TRIM2: variants seen among roughly 807,000 people sequenced by gnomAD.
TRIM2 encodes the protein tripartite motif containing 2.
TRIM2 carries 20 observed loss-of-function variants against 75.2 expected under a neutral mutation model. That is an observed-to-expected ratio of 0.27 (90% CI 0.19 to 0.39). The LOEUF (loss-of-function observed/expected upper bound fraction) is 0.39. Among genes scored for constraint, TRIM2 ranks in the 10% least tolerant of loss-of-function variants. TRIM2 has a pLI of 1.00. For missense variants in TRIM2, 660 were observed against 990.8 expected, an observed-to-expected ratio of 0.67 and a Z score of 4.48; for synonymous variants, 373 against 388.3, an observed-to-expected ratio of 0.96 and a Z score of 0.46.
At chr4:153,227,406 C>G (rs1742430584) in intron 1 of TRIM2, among the ~76,000 whole-genome samples, 1 of 152,150 alleles carries the variant, frequency 6.6e-6, no homozygotes, top group African/African-American at 2.4e-5. Context: ...TGAGCTTTGC[C>G]TTAATTAAGA....
chr4:153,213,456 T>G (rs1479876986), intron 1 of TRIM2, among the ~76,000 whole-genome samples: 2 of 152,242 alleles, frequency 1.3e-5, no homozygotes, highest in African/African-American at 4.8e-5. Flanking sequence ...AACAAAGTGA[T>G]GGGCTCTGTT....
chr4:153,183,491 G>A (rs746251299), intron 1 of TRIM2, among the ~76,000 whole-genome samples: 7 of 152,170 alleles, frequency 4.6e-5, no homozygotes, highest in African/African-American at 1.2e-4. Context: ...GAACCTGAGC[G>A]ACACCCAAGG....
rs578179249 is a variant in TRIM2, at chr4:153,153,606, G to A, written c.-49+336G>A. On this transcript the variant is annotated intron_variant, in intron 1 of 11. Transcript: ENST00000437508. Reference sequence around the variant, plus strand: ...GCCCCGTCCCGCCCCCGATCTTTCCGGCCCTTTTTGAAGATGGAGAGAAGG... The same window carrying A: ...GCCCCGTCCCGCCCCCGATCTTTCCAGCCCTTTTTGAAGATGGAGAGAAGG... Among the ~76,000 whole-genome samples the A allele has an allele frequency of 1.4e-3, 207 of 152,370 alleles. 1 individual carries two copies. The highest frequency in any genetic ancestry group is 1.5e-3 in the African/African-American group (64 of 41,590).
At position 153,285,728 on chromosome 4, in the gene TRIM2, A is replaced by G. The variant is rs537902945; in HGVS notation, c.454-7254A>G. On this transcript the variant is annotated intron_variant, in intron 3 of 11. Coordinates refer to ENST00000338700, the MANE Select transcript of TRIM2 (RefSeq NM_015271.5). ...TGTATCCTGCAACTTTGCTGAATTC[A>G]TTTATTAGCTCTAATTGTGTGAATG... Among the ~76,000 whole-genome samples, 50 of 151,490 alleles carry G rather than the reference A, an allele frequency of 3.3e-4. No individual in the cohort carries two copies. In the South Asian group the frequency reaches 9.8e-3, roughly 30 times the overall value.
At chr4:153,303,122 A>G (rs1764254683) in intron 6 of TRIM2, among the ~76,000 whole-genome samples, 1 of 152,182 alleles carries the variant, frequency 6.6e-6, no homozygotes, top group Non-Finnish European at 1.5e-5. Flanking sequence ...GCTTTTCAAC[A>G]TCCATACCTT....
chr4:153,214,292 T>C (rs1182465863), intron 1 of TRIM2, among the ~76,000 whole-genome samples: 1 of 152,208 alleles, frequency 6.6e-6, no homozygotes, highest in Admixed American at 6.5e-5. Context: ...CCCCTCTAAG[T>C]CCCTGGGCAG....
chr4:153,320,086 C>T (rs991545495), intron 8 of TRIM2, among the ~76,000 whole-genome samples: 63 of 152,234 alleles, frequency 4.1e-4, no homozygotes, highest in African/African-American at 1.5e-3. Context: ...GCCTTCTCTC[C>T]CTTTTGATCT....
intron 1 of TRIM2, among the ~76,000 whole-genome samples, chr4:153,230,318 C>T (rs1743282016): frequency 6.6e-6 from 1 of 152,142 alleles, no homozygotes; most frequent in Non-Finnish European, 1.5e-5. Context: ...GTAGCTGGAA[C>T]TGCAGGTGCA....
chr4:153,229,946 A>G (rs367608366), intron 1 of TRIM2, among the ~76,000 whole-genome samples: 6 of 152,144 alleles, frequency 3.9e-5, no homozygotes, highest in African/African-American at 1.4e-4. Flanking sequence ...ACCTCTGCAG[A>G]GTTTAGTCTT....
At chr4:153,243,202 C>G (rs1747124947) in intron 1 of TRIM2, among the ~76,000 whole-genome samples, 1 of 152,206 alleles carries the variant, frequency 6.6e-6, no homozygotes, top group Non-Finnish European at 1.5e-5. Context: ...GGGTGGAGCC[C>G]CCAAGCTTCC....
chr4:153,163,357 T>C (rs1268452711), intron 1 of TRIM2, among the ~76,000 whole-genome samples: 1 of 151,912 alleles, frequency 6.6e-6, no homozygotes, highest in Non-Finnish European at 1.5e-5. Context: ...GGCTAATTTA[T>C]TAGTTTTGTA....
chr4:153,324,369 C>A, intron 10 of TRIM2: 1 of 349,934 alleles, frequency 2.9e-6, no homozygotes, highest in Non-Finnish European at 5.1e-6. Context: ...TAATTTGAAA[C>A]TGGTGCAAAT....
Position 153,270,268 on chromosome 4 carries a change from G to A in TRIM2, c.31-67G>A, listed in dbSNP as rs1213137808. 3.7e-5 allele frequency: 56 copies of A among 1,527,850 alleles called. No individual in the cohort carries two copies. In the East Asian group the frequency reaches 1.3e-3, roughly 35 times the overall value. The allele number at this position is 1,527,850 out of a possible 1,614,324, so 94.6% of individuals were successfully genotyped here. A position where few individuals can be genotyped will look rare whatever the true frequency, so the allele number is the denominator to read the frequency against. ...TTATAGCACAATGCTTATGGTGAAA[G>A]AGCCAGTGATTGACTTGTACCTACA... On this transcript the variant is annotated intron_variant, in intron 1 of 11. Transcript: ENST00000338700.
intron 6 of TRIM2, chr4:153,307,929 A>T: frequency 1.3e-6 from 1 of 754,548 alleles, no homozygotes; most frequent in East Asian, 2.5e-5. Context: ...CCCCATGCCC[A>T]TTATGGAGTC....
chr4:153,302,797 A>T (rs1764193295), intron 6 of TRIM2, among the ~76,000 whole-genome samples: 1 of 152,190 alleles, frequency 6.6e-6, no homozygotes, highest in African/African-American at 2.4e-5. Flanking sequence ...ATACACTTTG[A>T]TTATTGTTAC....
intron 5 of TRIM2, 79 bp downstream of exon 5, chr4:153,294,564 C>T (rs1762415505): frequency 7.0e-7 from 1 of 1,431,546 alleles, no homozygotes; most frequent in East Asian, 2.3e-5. Context: ...CTAATAGCAA[C>T]AAGGGGTCCT....
chr4:153,159,033 C>T (rs1729493325), intron 1 of TRIM2, among the ~76,000 whole-genome samples: 1 of 152,172 alleles, frequency 6.6e-6, no homozygotes, highest in South Asian at 2.1e-4. Context: ...AAATGAACAA[C>T]TGAGCCATTG....
chr4:153,256,992 G>A (rs79249709), intron 1 of TRIM2, among the ~76,000 whole-genome samples: 2,035 of 152,288 alleles, frequency 0.013, 38 homozygotes, highest in African/African-American at 0.046. Context: ...GAAATCAGTC[G>A]TCTCTCTTTC....
At chr4:153,175,528 G>GAAGCT (rs1187374042) in intron 1 of TRIM2, among the ~76,000 whole-genome samples, 1 of 152,112 alleles carries the variant, frequency 6.6e-6, no homozygotes, top group African/African-American at 2.4e-5. Context: ...ACACACTCAG[G>GAAGCT]AAGCTTCCAT....
Sources: gnomAD v4.1 joint callset for allele counts (sites outside exome capture counted in the v4.1 genomes callset) on GRCh38, gnomAD v4.1.1 for gene constraint, MANE v1.5 for transcripts, NCBI Gene and HGNC (gene_info 2026-07-23, HGNC 2026-07-21) for gene names.